Variants in SNX8 observed in about 807,000 individuals in gnomAD.
SNX8 encodes the protein sorting nexin 8, also known as sorting nexin-8.
In SNX8, 25 loss-of-function variants were observed where a neutral mutation model predicts 51.6. The observed-to-expected ratio is 0.48, with a 90% CI of 0.35 to 0.68. The LOEUF (loss-of-function observed/expected upper bound fraction) is 0.68. Ranked by LOEUF, SNX8 falls within the 30% of genes least tolerant of loss-of-function variation. The pLI is 0.00. For missense variants in SNX8, 695 were observed against 624.0 expected, an observed-to-expected ratio of 1.11 and a Z score of -1.21; for synonymous variants, 324 against 277.0, an observed-to-expected ratio of 1.17 and a Z score of -1.68.
chr7:2,257,500 C>T lies in SNX8; in HGVS notation c.999G>A (p.Arg333=). ...LLQSYKDLCE[R]HEKGVLHKHQ... ...GCTTGTGCAACACGCCCTTCTCATG[C>T]CGCTCGCACAGGTCCTGCGGGGCCG... Residue 333 remains arginine (R), a synonymous_variant, in exon 9 of 11, where the codon CGG becomes CGA. Transcript: ENST00000222990. The T allele has an allele frequency of 1.2e-6, 2 of 1,603,314 alleles. No homozygotes were observed. Among genetic ancestry groups the T allele is most frequent in the Non-Finnish European group, 1.7e-6 (2 of 1,177,420 alleles).
At chr7:2,335,664 G>T (rs531856973) in intron 1 of SNX8, among the ~76,000 whole-genome samples, 1 of 151,894 alleles carries the variant, frequency 6.6e-6, no homozygotes, top group Non-Finnish European at 1.5e-5. Flanking sequence ...TTAGCTGGGC[G>T]TGGTGGCAGG....
intron 1 of SNX8, among the ~76,000 whole-genome samples, chr7:2,305,011 A>G (rs1796515055): frequency 6.6e-6 from 1 of 152,186 alleles, no homozygotes; most frequent in African/African-American, 2.4e-5. Flanking sequence ...GCTGAGAGTG[A>G]GGTTCCCAGA....
chr7:2,336,706 C>G (rs1778836938), intron 1 of SNX8, among the ~76,000 whole-genome samples: 1 of 148,870 alleles, frequency 6.7e-6, no homozygotes, highest in African/African-American at 2.5e-5. Flanking sequence ...GACTCCTTCT[C>G]AAAAAAATAA....
At chr7:2,278,057 T>C (rs766187253) in intron 2 of SNX8, 43 bp downstream of exon 2, 1 of 1,594,370 alleles carries the variant, frequency 6.3e-7, no homozygotes, top group African/African-American at 1.3e-5. Context: ...CGTGACCCTT[T>C]CTTCCCCCTC....
intron 1 of SNX8, among the ~76,000 whole-genome samples, chr7:2,291,005 C>T (rs1181658467): frequency 6.6e-6 from 1 of 152,188 alleles, no homozygotes; most frequent in African/African-American, 2.4e-5. Context: ...AAAGTATAAA[C>T]AGTCTTGTAG....
chr7:2,268,496 A>C (rs1175239787), intron 5 of SNX8, among the ~76,000 whole-genome samples: 1 of 122,486 alleles, frequency 8.2e-6, no homozygotes. Context: ...TCCGGGAGGG[A>C]GGTGGGGGGT....
At chr7:2,317,840 A>G (rs990745370), upstream of SNX8, among the ~76,000 whole-genome samples, 4 of 152,074 alleles carry the variant, frequency 2.6e-5, no homozygotes, top group Admixed American at 6.6e-5. Context: ...GGTTGCAGTG[A>G]GCCGAGATCG....
At chr7:2,322,328 G>C (rs1372508804) in intron 1 of SNX8, among the ~76,000 whole-genome samples, 1 of 152,008 alleles carries the variant, frequency 6.6e-6, no homozygotes, top group African/African-American at 2.4e-5. Context: ...AGTCCAGGAG[G>C]TGGAAGCTAC....
chr7:2,352,685 A>T (rs538774155), intron 1 of SNX8, among the ~76,000 whole-genome samples: 95 of 152,052 alleles, frequency 6.2e-4, no homozygotes, highest in Admixed American at 5.5e-3. Context: ...ATACAAAAAA[A>T]ATCAGCCAGG....
chr7:2,295,359 G>A (rs138243348), intron 1 of SNX8, among the ~76,000 whole-genome samples: 6 of 145,924 alleles, frequency 4.1e-5, no homozygotes, highest in Non-Finnish European at 6.0e-5. Context: ...AGCCGAGTTC[G>A]TGCCATTGCA....
At chr7:2,256,202 C>G (rs183223432) in intron 10 of SNX8, among the ~76,000 whole-genome samples, 1 of 152,350 alleles carries the variant, frequency 6.6e-6, no homozygotes, top group Admixed American at 6.5e-5. Flanking sequence ...CCGCCTCCAG[C>G]CTGCCATTCC....
intron 9 of SNX8, 39 bp from the exon 10 acceptor site, chr7:2,257,062 C>A (rs767436132): frequency 1.9e-6 from 3 of 1,554,870 alleles, no homozygotes; most frequent in Non-Finnish European, 2.6e-6. Flanking sequence ...CCGGCCCAGC[C>A]GGCGACGGGA....
chr7:2,336,616 G>C (rs1167299627), intron 1 of SNX8, among the ~76,000 whole-genome samples: 1 of 152,030 alleles, frequency 6.6e-6, no homozygotes, highest in African/African-American at 2.4e-5. Context: ...GCTGAGGTAG[G>C]AGAATTGCTT....
Position 2,257,464 on chromosome 7 carries a change from G to C in SNX8, c.1035C>G (p.Ala345=). 6.2e-7 allele frequency: 1 copy of C among 1,608,406 alleles called. No homozygotes were observed. The highest frequency in any genetic ancestry group is 8.5e-7 in the Non-Finnish European group (1 of 1,178,624). ...TCTTCATCAGGCTGTACTTGTGCAG[G>C]GCCCGCTGGTGCTTGTGCAACACGC... is the stretch of plus-strand genomic sequence containing the variant. ...EKGVLHKHQR[A]LHKYSLMKRQ... Residue 345 remains alanine, a synonymous_variant, in exon 9 of 11, where the codon GCC becomes GCG. Transcript: ENST00000222990.
At chr7:2,286,292 G>A (rs1449223294) in intron 1 of SNX8, among the ~76,000 whole-genome samples, 1 of 151,722 alleles carries the variant, frequency 6.6e-6, no homozygotes, top group African/African-American at 2.4e-5. Context: ...GATTACAGAC[G>A]AGAGCCACCT....
At chr7:2,283,300 C>T (rs1200855893) in intron 1 of SNX8, among the ~76,000 whole-genome samples, 1 of 152,230 alleles carries the variant, frequency 6.6e-6, no homozygotes, top group Non-Finnish European at 1.5e-5. Flanking sequence ...ACAGCTGCAG[C>T]TGTTGCCTGG....
chr7:2,291,232 C>G (rs898596193), intron 1 of SNX8, among the ~76,000 whole-genome samples: 9 of 152,002 alleles, frequency 5.9e-5, no homozygotes, highest in African/African-American at 2.2e-4. Context: ...CCCAGAAGTT[C>G]AAGGCTGCAG....
At chr7:2,345,889 C>G (rs1277215292) in intron 1 of SNX8, among the ~76,000 whole-genome samples, 2 of 152,048 alleles carry the variant, frequency 1.3e-5, no homozygotes, top group African/African-American at 2.4e-5. Context: ...CTCACTGCAA[C>G]TTCCACCTCC....
intron 1 of SNX8, among the ~76,000 whole-genome samples, chr7:2,351,934 AT>A (rs1194416474): frequency 2.3e-3 from 143 of 61,850 alleles, no homozygotes; most frequent in Admixed American, 8.9e-3. Flanking sequence ...TTTGAGATGG[AT>A]TTTTGCTCGT....
Sources: allele counts gnomAD v4.1 joint callset (sites outside exome capture counted in the v4.1 genomes callset), GRCh38; gene constraint gnomAD v4.1.1; transcripts MANE v1.5; gene names NCBI Gene and HGNC (gene_info 2026-07-23, HGNC 2026-07-21).